FAM20C: variants seen among roughly 807,000 people sequenced by gnomAD.
FAM20C encodes FAM20C golgi associated secretory pathway kinase, also known as extracellular serine/threonine protein kinase FAM20C.
In FAM20C, 40 loss-of-function variants were observed where a neutral mutation model predicts 51.5. The observed-to-expected ratio is 0.78, with a 90% CI of 0.60 to 1.01. FAM20C has a LOEUF of 1.01. Ranked by LOEUF, FAM20C falls within the 50% of genes least tolerant of loss-of-function variation. The pLI is 0.00. For missense variants in FAM20C, 861 were observed against 844.7 expected, an observed-to-expected ratio of 1.02 and a Z score of -0.24; for synonymous variants, 406 against 380.6, an observed-to-expected ratio of 1.07 and a Z score of -0.78.
At chr7:254,553 C>T (rs938725868) in intron 5 of FAM20C, among the ~76,000 whole-genome samples, 3 of 152,218 alleles carry the variant, frequency 2.0e-5, no homozygotes, top group South Asian at 4.1e-4. Context: ...GCACTGCTAG[C>T]GGGCCTGGAC....
At chr7:237,208 T>C (rs932589898) in intron 3 of FAM20C, among the ~76,000 whole-genome samples, 68 of 152,330 alleles carry the variant, frequency 4.5e-4, no homozygotes, top group African/African-American at 1.5e-3. Context: ...TAGAATCAGA[T>C]TGGCCTCGAG....
intron 3 of FAM20C, among the ~76,000 whole-genome samples, chr7:212,229 G>A (rs1786756417): frequency 6.6e-6 from 1 of 152,232 alleles, no homozygotes; most frequent in Non-Finnish European, 1.5e-5. Flanking sequence ...TCGGGAGGCC[G>A]AGGCTGGCGG....
chr7:253,600 C>T (rs1047103032), intron 5 of FAM20C, among the ~76,000 whole-genome samples: 9 of 152,240 alleles, frequency 5.9e-5, no homozygotes, highest in Non-Finnish European at 1.0e-4. Context: ...AGCTGCCTCC[C>T]GTGGCTTCTT....
intron 3 of FAM20C, among the ~76,000 whole-genome samples, chr7:226,478 G>A (rs1337638432): frequency 6.6e-6 from 1 of 152,212 alleles, no homozygotes; most frequent in East Asian, 1.9e-4. Flanking sequence ...CCAAGGCTCA[G>A]GGAGGAGGGA....
chr7:222,054 GTCTCCAGCA>G (rs1269510322), intron 3 of FAM20C, among the ~76,000 whole-genome samples: 5 of 103,402 alleles, frequency 4.8e-5, no homozygotes, highest in South Asian at 2.8e-4. Context: ...GCGGAGCCTC[GTCTCCAGCA>G]GGGCAGGGGG....
At chr7:209,829 G>A (rs190224317) in intron 3 of FAM20C, among the ~76,000 whole-genome samples, 4 of 152,352 alleles carry the variant, frequency 2.6e-5, no homozygotes, top group Admixed American at 1.3e-4. Context: ...TACTTTGCAG[G>A]TAAAACAAAA....
At chr7:259,598 C>A (rs1309916195) in intron 9 of FAM20C, 133 bp from the exon 10 acceptor site, 2 of 1,171,704 alleles carry the variant, frequency 1.7e-6, no homozygotes, top group Non-Finnish European at 2.3e-6. Flanking sequence ...CTTTTTCTCT[C>A]TGTCTCTGTC....
At chr7:250,617 G>A (rs917902230) in intron 5 of FAM20C, among the ~76,000 whole-genome samples, 1 of 152,160 alleles carries the variant, frequency 6.6e-6, no homozygotes, top group Non-Finnish European at 1.5e-5. Flanking sequence ...GGAGTCCAGG[G>A]CTTCCTAAGC....
At chr7:218,951 G>T (rs532806130) in intron 3 of FAM20C, among the ~76,000 whole-genome samples, 1 of 152,104 alleles carries the variant, frequency 6.6e-6, no homozygotes, top group African/African-American at 2.4e-5. Context: ...GGCCCAGGAC[G>T]GACAGATCAC....
chr7:211,471 C>T (rs766454665), intron 3 of FAM20C, among the ~76,000 whole-genome samples: 1 of 151,342 alleles, frequency 6.6e-6, no homozygotes, highest in African/African-American at 2.4e-5. Context: ...GGGCACCCCA[C>T]GTCCCCAGCG....
intron 3 of FAM20C, among the ~76,000 whole-genome samples, chr7:222,438 C>G (rs1246283902): frequency 6.6e-6 from 1 of 152,110 alleles, no homozygotes; most frequent in Admixed American, 6.5e-5. Context: ...AGTGGATTGC[C>G]CTGGCACAGG....
At chr7:193,930 G>A (rs750593988) in intron 1 of FAM20C, 126 bp downstream of exon 1, 9 of 1,352,426 alleles carry the variant, frequency 6.7e-6, no homozygotes, top group East Asian at 5.7e-5. Flanking sequence ...TGTGGTGCGG[G>A]AGGAGGCAGC....
intron 7 of FAM20C, 24 bp downstream of exon 7, chr7:256,787 TCC>T: frequency 6.5e-7 from 1 of 1,526,956 alleles, no homozygotes; most frequent in Non-Finnish European, 8.8e-7. Context: ...GGGCACGGGG[TCC>T]CCGTGTCACT....
intron 1 of FAM20C, 111 bp downstream of exon 1, chr7:193,915 G>A: frequency 1.4e-6 from 2 of 1,397,608 alleles, no homozygotes; most frequent in Non-Finnish European, 1.9e-6. Context: ...AGGCCGGGCA[G>A]GGAGTGTGGT....
intron 3 of FAM20C, among the ~76,000 whole-genome samples, chr7:223,454 G>A (rs1382483192): frequency 6.6e-6 from 1 of 152,222 alleles, no homozygotes; most frequent in East Asian, 1.9e-4. Flanking sequence ...TCGCTCTCCG[G>A]GGCTGTCCTG....
chr7:231,894 G>A (rs1360890842), intron 3 of FAM20C, among the ~76,000 whole-genome samples: 1 of 152,154 alleles, frequency 6.6e-6, no homozygotes, highest in East Asian at 1.9e-4. Context: ...GGGGCCTGGG[G>A]CGGTCCTCTG....
In FAM20C at chr7:193,464, C is replaced by T; in HGVS notation, c.265C>T (p.Arg89Cys). ...DAGWPNKHTL[R>C]ILQDFSSDPS... is the part of the protein sequence containing the mutation. ...GGGCTGGCCCAACAAGCACACGCTC[C>T]GCATCCTGCAGGACTTCAGCTCCGA... Residue 89 changes from arginine (R) to cysteine (C), a missense_variant, in exon 1 of 10, where the codon CGC becomes TGC. Coordinates refer to ENST00000313766, the MANE Select transcript of FAM20C (RefSeq NM_020223.4). The T allele has an allele frequency of 6.8e-7, 1 of 1,480,328 alleles. No individual in the cohort carries two copies. Among genetic ancestry groups the T allele is most frequent in the East Asian group, 3.0e-5 (1 of 33,390 alleles). 91.7% of individuals were successfully genotyped at this position (1,480,328 alleles called of 1,614,324 possible). A position where few individuals can be genotyped will look rare whatever the true frequency, so the allele number is the denominator to read the frequency against.
At chr7:222,818 A>T (rs144653181) in intron 3 of FAM20C, among the ~76,000 whole-genome samples, 1 of 151,494 alleles carries the variant, frequency 6.6e-6, no homozygotes, top group Non-Finnish European at 1.5e-5. Flanking sequence ...CATGTGTATG[A>T]GTGTGTAAGG....
intron 2 of FAM20C, 100 bp from the exon 3 acceptor site, chr7:208,798 C>T (rs1250169463): frequency 3.3e-6 from 4 of 1,227,304 alleles, no homozygotes; most frequent in Non-Finnish European, 3.5e-6. Context: ...CTGGACCATG[C>T]CCAGAGGACC....
Sources: allele counts gnomAD v4.1 joint callset (sites outside exome capture counted in the v4.1 genomes callset), GRCh38; gene constraint gnomAD v4.1.1; transcripts MANE v1.5; gene names NCBI Gene and HGNC (gene_info 2026-07-23, HGNC 2026-07-21).